Variants in RGS19 observed in about 807,000 individuals in gnomAD.
RGS19 encodes G alpha interacting protein.
In RGS19, 9 loss-of-function variants were observed where a neutral mutation model predicts 22.0. The ratio of observed to expected loss-of-function variants is 0.41; its 90% CI spans 0.25 to 0.71. The LOEUF is 0.71. RGS19 is among the 30% of genes least tolerant of loss of function. The pLI, the probability that RGS19 is intolerant of heterozygous loss-of-function variation, is 0.32. For synonymous variants in RGS19, 130 were observed against 127.3 expected (o/e 1.02, Z -0.14); for missense variants, 256 against 307.1 (o/e 0.83, Z 1.24).
At chr20:64,078,469 C>A (rs2059927545) in intron 1 of RGS19, among the ~76,000 whole-genome samples, 1 of 152,216 alleles carries the variant, frequency 6.6e-6, no homozygotes, top group Non-Finnish European at 1.5e-5. Context: ...TCTTCCTCCT[C>A]TCTGTCCCCA....
intron 4 of RGS19, 43 bp from the exon 5 acceptor site, chr20:64,074,421 G>T (rs374895494): frequency 6.3e-7 from 1 of 1,576,390 alleles, no homozygotes; most frequent in Non-Finnish European, 8.6e-7. Flanking sequence ...CGAGTCTCCC[G>T]GTCTGGGGCC....
Position 64,076,950 on chromosome 20 carries a change from G to A in RGS19, c.-64C>T. 7.1e-7 allele frequency: 1 copy of A among 1,401,826 alleles called. No individual in the cohort carries two copies. Among genetic ancestry groups the A allele is most frequent in the Non-Finnish European group, 9.4e-7 (1 of 1,059,998 alleles). 86.8% of individuals were successfully genotyped at this position (1,401,826 alleles called of 1,614,324 possible). A position where few individuals can be genotyped will look rare whatever the true frequency, so the allele number is the denominator to read the frequency against. On this transcript the variant is annotated 5_prime_UTR_variant, in exon 2 of 6. Coordinates refer to ENST00000395042, the MANE Select transcript of RGS19 (RefSeq NM_005873.3). ...GCTCTCAGACCCTCACCACAGCCTGGGGGTCTGGGGAGAGGGGCCAAGGTT... is the reference window on the plus strand; with the variant it reads ...GCTCTCAGACCCTCACCACAGCCTGAGGGTCTGGGGAGAGGGGCCAAGGTT...
chr20:64,076,446 C>T (rs1000465031), intron 3 of RGS19, 79 bp downstream of exon 3: 36 of 1,585,786 alleles, frequency 2.3e-5, no homozygotes, highest in Admixed American at 1.9e-4. Flanking sequence ...TCGGAAGCCA[C>T]CACTGGGTCC....
In RGS19 at chr20:64,076,651, G is replaced by A; in HGVS notation, c.31-5C>T. ...CGCCTCCTCTGGCCCTGTGATCTGG[G>A]GAAAAGTGGGGCTACCTCAGCTTTC... On this transcript the variant is annotated splice_region_variant and splice_polypyrimidine_tract_variant and intron_variant, in intron 2 of 5. Transcript: ENST00000395042. The A allele has an allele frequency of 6.3e-7, 1 of 1,593,602 alleles. No homozygotes were observed. The highest frequency in any genetic ancestry group is 8.5e-7 in the Non-Finnish European group (1 of 1,169,866).
chr20:64,079,837 G>C (rs1403589838), upstream of RGS19: 13 of 150,288 alleles, frequency 8.7e-5, no homozygotes, highest in Non-Finnish European at 1.6e-4. The surrounding 1 kb of genome is among the most constrained non-coding windows in gnomAD (Gnocchi z 5.1). Flanking sequence ...GGGAGGGGCA[G>C]GGCCGCTGTC....
intron 1 of RGS19, among the ~76,000 whole-genome samples, chr20:64,078,520 C>G (rs918599283): frequency 1.3e-5 from 2 of 152,212 alleles, no homozygotes; most frequent in African/African-American, 4.8e-5. Context: ...CTGAGACTGT[C>G]CCCCTGGGCT....
chr20:64,074,416 C>A (rs1322699388), intron 4 of RGS19, 38 bp from the exon 5 acceptor site: 2 of 1,579,286 alleles, frequency 1.3e-6, no homozygotes, highest in Non-Finnish European at 1.7e-6. Context: ...AGGCCCGAGT[C>A]TCCCGGTCTG....
intron 1 of RGS19, among the ~76,000 whole-genome samples, chr20:64,078,819 G>T (rs1281309012): frequency 3.9e-5 from 6 of 152,082 alleles, no homozygotes; most frequent in South Asian, 2.1e-4. Context: ...CCCTTCCCCA[G>T]CCTCCCAGGC....
At chr20:64,076,452 G>T in intron 3 of RGS19, 73 bp downstream of exon 3, 1 of 1,589,624 alleles carries the variant, frequency 6.3e-7, no homozygotes, top group East Asian at 2.2e-5. Context: ...GCCACCACTG[G>T]GTCCCCTCCT....
intron 2 of RGS19, 32 bp downstream of exon 2, chr20:64,076,824 AG>A: frequency 6.4e-7 from 1 of 1,573,238 alleles, no homozygotes; most frequent in African/African-American, 1.4e-5. Flanking sequence ...CATCTCCCCC[AG>A]GGGAGCAGAG....
chr20:64,076,646 T>G lies in RGS19; in HGVS notation c.31A>C (p.Ile11Leu). 6.3e-7 allele frequency: 1 copy of G among 1,597,830 alleles called. No homozygotes were observed. ...CGGTCCGCCTCCTCTGGCCCTGTGATCTGGGGAAAAGTGGGGCTACCTCAG... is the reference window on the plus strand; with the variant it reads ...CGGTCCGCCTCCTCTGGCCCTGTGAGCTGGGGAAAAGTGGGGCTACCTCAG... MPTPHEAEKQ[I>L]TGPEEADRPP... The change falls in exon 3 of 6, where the codon ATC becomes CTC. Residue 11 changes from isoleucine (I) to leucine (L), a missense_variant and splice_region_variant. Coordinates refer to ENST00000395042, the MANE Select transcript of RGS19 (RefSeq NM_005873.3).
chr20:64,078,347 A>C (rs2145549909), intron 1 of RGS19, among the ~76,000 whole-genome samples: 1 of 63,458 alleles, frequency 1.6e-5, no homozygotes, highest in East Asian at 9.5e-4. Context: ...GTAGCCCTGC[A>C]GCTGGGCTTT....
chr20:64,077,942 G>A (rs1231755979), intron 1 of RGS19, among the ~76,000 whole-genome samples: 1 of 152,176 alleles, frequency 6.6e-6, no homozygotes, highest in Non-Finnish European at 1.5e-5. Context: ...CCCAGGGCAG[G>A]GAGGGGCCTC....
At chr20:64,077,490 C>A (rs1193234737) in intron 1 of RGS19, among the ~76,000 whole-genome samples, 1 of 152,168 alleles carries the variant, frequency 6.6e-6, no homozygotes, top group Non-Finnish European at 1.5e-5. Flanking sequence ...GGGACTCAGG[C>A]TGGACTTGCT....
rs769582903 is a variant in RGS19 at position 64,073,831 on chromosome 20, G to A, written c.*22C>T. The A allele has an allele frequency of 1.9e-6, 3 of 1,585,998 alleles. No individual in the cohort carries two copies. The highest frequency in any genetic ancestry group is 2.6e-6 in the Non-Finnish European group (3 of 1,162,388). On this transcript the variant is annotated 3_prime_UTR_variant, in exon 6 of 6. Coordinates refer to ENST00000395042, the MANE Select transcript of RGS19 (RefSeq NM_005873.3). Reference sequence around the variant, plus strand: ...CAGAGTCGGCCGTAGGAGGCGGCGGGGTCTGTGCTGCTGGGGGCGGCCTAG... The same window carrying A: ...CAGAGTCGGCCGTAGGAGGCGGCGGAGTCTGTGCTGCTGGGGGCGGCCTAG...
In RGS19 at chr20:64,073,729, G is replaced by C. The variant is rs749730509; in HGVS notation, c.*124C>G. The C allele has an allele frequency of 8.3e-4, 692 of 830,212 alleles. No individual in the cohort carries two copies. The highest frequency in any genetic ancestry group is 1.2e-3 in the Non-Finnish European group (651 of 540,852). The allele number at this position is 830,212 out of a possible 1,614,324, so 51.4% of individuals were successfully genotyped here. On this transcript the variant is annotated 3_prime_UTR_variant, in exon 6 of 6. Transcript: ENST00000395042. Reference sequence around the variant, plus strand: ...AGCACTCCCCACTGGGTCTAGGACCGTCTCCGCGGGTGGGGACCCCAGCCG... The same window carrying C: ...AGCACTCCCCACTGGGTCTAGGACCCTCTCCGCGGGTGGGGACCCCAGCCG...
At position 64,074,385 on chromosome 20, in the gene RGS19, G is replaced by C; in HGVS notation, c.228-7C>G. 2 of 1,601,680 alleles carry C rather than the reference G, an allele frequency of 1.2e-6. No homozygotes were observed. The highest frequency in any genetic ancestry group is 1.7e-6 in the Non-Finnish European group (2 of 1,173,622). ...CTCAGGACTTGGCGTGGCACTGTGG[G>C]CACGGGGGCCAGGCTATGTCAGGCC... is the stretch of plus-strand genomic sequence containing the variant. On this transcript the variant is annotated splice_polypyrimidine_tract_variant and splice_region_variant and intron_variant, in intron 4 of 5. Coordinates refer to ENST00000395042, the MANE Select transcript of RGS19 (RefSeq NM_005873.3).
In RGS19 at chr20:64,078,282, T is replaced by TACCCCCGAGGCCTGGGCATGCAGAGG. The variant is rs1320300238; in HGVS notation, c.-69+1011_-69+1012insCCTCTGCATGCCCAGGCCTCGGGGGT. Among the ~76,000 whole-genome samples, 42 of 26,334 alleles carry TACCCCCGAGGCCTGGGCATGCAGAGG rather than the reference T, an allele frequency of 1.6e-3. No individual in the cohort carries two copies. The East Asian group carries it at 0.016, about 10-fold the overall frequency. 17.3% of individuals were successfully genotyped at this position (26,334 alleles called of 152,430 possible). ...TTGGCCCCTCACCACCGGCCCAGTTTCCTCTGAGACTGGGGGTCCCACGGG... is the reference window on the plus strand; with the variant it reads ...TTGGCCCCTCACCACCGGCCCAGTTTACCCCCGAGGCCTGGGCATGCAGAGGCCTCTGAGACTGGGGGTCCCACGGG... On this transcript the variant is annotated intron_variant, in intron 1 of 5. Transcript: ENST00000395042.
Position 64,073,861 on chromosome 20 carries a change from C to G in RGS19, c.646G>C (p.Glu216Gln), listed in dbSNP as rs200289255. ...GTGCTGCTGGGGGCGGCCTAGGCCT[C>G]GGAGGAGGACTGTGATGGCCCCTGC... ...LLQGPSQSSS[E>Q]A The change falls in exon 6 of 6, where the codon GAG (glutamate) becomes CAG (glutamine). Residue 216 changes from glutamate to glutamine, a missense_variant. Transcript: ENST00000395042. 6.2e-6 allele frequency: 10 copies of G among 1,609,486 alleles called. No homozygotes were observed. The highest frequency in any genetic ancestry group is 8.5e-6 in the Non-Finnish European group (10 of 1,177,452).
Sources: gnomAD v4.1 joint callset for allele counts (sites outside exome capture counted in the v4.1 genomes callset) on GRCh38, gnomAD v4.1.1 for gene constraint, Gnocchi (gnomAD v3.1) non-coding constraint, MANE v1.5 for transcripts, NCBI Gene and HGNC (gene_info 2026-07-23, HGNC 2026-07-21) for gene names.